Variants in KCNJ16 observed in about 807,000 individuals in gnomAD.
KCNJ16 encodes the protein inward rectifier potassium channel 16.
KCNJ16 carries 15 observed loss-of-function variants against 18.5 expected under a neutral mutation model. The ratio of observed to expected loss-of-function variants is 0.81; its 90% CI spans 0.54 to 1.25. The LOEUF is 1.25. KCNJ16 is among the 50% of genes most tolerant of loss of function. The pLI is 0.00. For synonymous variants in KCNJ16, 174 were observed against 186.5 expected (o/e 0.93, Z 0.55); for missense variants, 523 against 525.7 (o/e 0.99, Z 0.05).
chr17:70,128,000 G>C (rs1283909889), intron 2 of KCNJ16: 2 of 152,188 alleles, frequency 1.3e-5, no homozygotes, highest in Admixed American at 6.5e-5. Context: ...TATCACCAGT[G>C]TCTTAACCAC....
chr17:70,123,754 T>C (rs1422823536), intron 2 of KCNJ16, among the ~76,000 whole-genome samples: 4 of 152,182 alleles, frequency 2.6e-5, no homozygotes, highest in Admixed American at 6.5e-5. Flanking sequence ...TTGATCTTCA[T>C]ATTCCTGCCC....
intron 2 of KCNJ16, among the ~76,000 whole-genome samples, chr17:70,114,384 G>A (rs1174345733): frequency 6.6e-6 from 1 of 152,162 alleles, no homozygotes; most frequent in Non-Finnish European, 1.5e-5. Context: ...CAGAGAGACA[G>A]GAGTTGGATT....
Position 70,120,383 on chromosome 17 carries a change from CG to C in KCNJ16, c.-190-10495del, listed in dbSNP as rs540806280. 1.6e-4 allele frequency among the ~76,000 whole-genome samples: 25 copies of C among 152,316 alleles called. No individual in the cohort carries two copies. In the East Asian group the frequency reaches 4.3e-3, roughly 26 times the overall value. On this transcript the variant is annotated intron_variant, in intron 2 of 3. Coordinates refer to ENST00000392671, the MANE Select transcript of KCNJ16 (RefSeq NM_170741.4). Reference sequence around the variant, plus strand: ...TTTCAAAGCCACTTTCGCATTTTCACGTGTCTTTGTAGCAATGCCCCACTCT... The same window carrying C: ...TTTCAAAGCCACTTTCGCATTTTCACTGTCTTTGTAGCAATGCCCCACTCT...
rs150086835 is a variant in KCNJ16, at chr17:70,078,709, C to T, written c.-300+3319C>T. Reference sequence around the variant, plus strand: ...GGACAAAGATAACAAAGATCTGGTCCCTGCCCCCAGCCTGGCAGAAAAAGG... The same window carrying T: ...GGACAAAGATAACAAAGATCTGGTCTCTGCCCCCAGCCTGGCAGAAAAAGG... On this transcript the variant is annotated intron_variant, in intron 1 of 3. Coordinates refer to ENST00000392671, the MANE Select transcript of KCNJ16 (RefSeq NM_170741.4). 2.0e-5 allele frequency among the ~76,000 whole-genome samples: 3 copies of T among 152,192 alleles called. No individual in the cohort carries two copies. In the East Asian group the frequency reaches 5.8e-4, roughly 29 times the overall value.
chr17:70,098,114 C>G (rs1373755745), intron 1 of KCNJ16, among the ~76,000 whole-genome samples: 1 of 152,180 alleles, frequency 6.6e-6, no homozygotes, highest in Non-Finnish European at 1.5e-5. Flanking sequence ...CATTTTAGAT[C>G]CCAGGATGCA....
intron 2 of KCNJ16, among the ~76,000 whole-genome samples, chr17:70,103,805 T>G (rs1198296657): frequency 1.3e-5 from 2 of 152,108 alleles, no homozygotes; most frequent in Non-Finnish European, 2.9e-5. Flanking sequence ...ATATCAAATT[T>G]TGCACAATAA....
At chr17:70,126,059 T>G (rs1017056790) in intron 2 of KCNJ16, among the ~76,000 whole-genome samples, 1 of 152,212 alleles carries the variant, frequency 6.6e-6, no homozygotes, top group African/African-American at 2.4e-5. Flanking sequence ...CTTTTATATA[T>G]ATAAGATAAC....
At chr17:70,103,922 TTTTTA>T (rs1374493620) in intron 2 of KCNJ16, among the ~76,000 whole-genome samples, 6 of 144,200 alleles carry the variant, frequency 4.2e-5, no homozygotes, top group Non-Finnish European at 9.0e-5. Flanking sequence ...TAATGGTTCA[TTTTTA>T]TTTTATTATC....
intron 1 of KCNJ16, among the ~76,000 whole-genome samples, chr17:70,098,690 G>T (rs1367376210): frequency 6.6e-6 from 1 of 151,874 alleles, no homozygotes; most frequent in Non-Finnish European, 1.5e-5. Flanking sequence ...ATTTTTTTCT[G>T]ACTCAAATAT....
At chr17:70,082,728 G>A (rs979680766) in intron 1 of KCNJ16, among the ~76,000 whole-genome samples, 6 of 152,032 alleles carry the variant, frequency 3.9e-5, no homozygotes, top group African/African-American at 7.2e-5. Context: ...TGGCCAGAAC[G>A]TCTTTTCACA....
chr17:70,103,286 A>ATGTGTGATGTG (rs367701950), intron 2 of KCNJ16, among the ~76,000 whole-genome samples: 31,759 of 103,240 alleles, frequency 0.31, 5,150 homozygotes, highest in African/African-American at 0.34. Context: ...ATATGCATAT[A>ATGTGTGATGTG]TGTGTGTGTG....
intron 2 of KCNJ16, among the ~76,000 whole-genome samples, chr17:70,103,288 G>GTGTGATA (rs372845323): frequency 5.1e-4 from 45 of 88,622 alleles, no homozygotes; most frequent in African/African-American, 1.0e-3. Context: ...ATGCATATAT[G>GTGTGATA]TGTGTGTGTA....
At chr17:70,129,092 G>A (rs1236185778) in intron 2 of KCNJ16, among the ~76,000 whole-genome samples, 3 of 152,196 alleles carry the variant, frequency 2.0e-5, no homozygotes, top group Non-Finnish European at 4.4e-5. Context: ...TGAGAAGGGA[G>A]GAGTTATTCA....
chr17:70,076,138 T>C (rs1019012508), intron 1 of KCNJ16, among the ~76,000 whole-genome samples: 1 of 152,176 alleles, frequency 6.6e-6, no homozygotes, highest in Admixed American at 6.6e-5. Context: ...AACATTTCTA[T>C]AAGCCAGATG....
At chr17:70,089,378 TGA>T (rs1362427568) in intron 1 of KCNJ16, among the ~76,000 whole-genome samples, 3 of 152,240 alleles carry the variant, frequency 2.0e-5, no homozygotes, top group African/African-American at 4.8e-5. Flanking sequence ...AATTTGCATA[TGA>T]GTTTTAATTA....
In KCNJ16 at chr17:70,133,283, A is replaced by C. The variant is rs757678303; in HGVS notation, c.1196A>C (p.Glu399Ala). 2.5e-6 allele frequency: 4 copies of C among 1,614,144 alleles called. No homozygotes were observed. The highest frequency in any genetic ancestry group is 3.4e-6 in the Non-Finnish European group (4 of 1,179,988). ...ACTTCCGCCACACATGAATATAGGGAAACACCTTATCAGAAAGCTCTCCTG... is the reference window on the plus strand; with the variant it reads ...ACTTCCGCCACACATGAATATAGGGCAACACCTTATCAGAAAGCTCTCCTG... ...TTTSATHEYR[E>A]TPYQKALLTL... The change falls in exon 4 of 4, where the codon GAA becomes GCA. Residue 399 changes from glutamate to alanine, a missense_variant. Transcript: ENST00000392671.
chr17:70,130,562 AT>A (rs1476137588), intron 2 of KCNJ16, among the ~76,000 whole-genome samples: 16 of 152,300 alleles, frequency 1.1e-4, no homozygotes, highest in African/African-American at 3.8e-4. Flanking sequence ...AGTGGGCCTG[AT>A]CCCTGGAGGA....
At chr17:70,124,706 T>C (rs148069375) in intron 2 of KCNJ16, among the ~76,000 whole-genome samples, 2 of 152,288 alleles carry the variant, frequency 1.3e-5, no homozygotes, top group African/African-American at 4.8e-5. Context: ...TTCAGAACCG[T>C]CTTAGTAAAA....
At chr17:70,099,785 C>A (rs2072542435) in intron 1 of KCNJ16, among the ~76,000 whole-genome samples, 1 of 152,068 alleles carries the variant, frequency 6.6e-6, no homozygotes, top group African/African-American at 2.4e-5. Context: ...AAAAGTGACC[C>A]AAACCAAAAT....
Sources: gnomAD v4.1 joint callset for allele counts (sites outside exome capture counted in the v4.1 genomes callset) on GRCh38, gnomAD v4.1.1 for gene constraint, MANE v1.5 for transcripts, NCBI Gene and HGNC (gene_info 2026-07-23, HGNC 2026-07-21) for gene names.